Variants in PDGFRB observed in about 807,000 individuals in gnomAD.
The protein encoded by PDGFRB is platelet-derived growth factor receptor beta.
In PDGFRB, 42 loss-of-function variants were observed where a neutral mutation model predicts 120.2. The ratio of observed to expected loss-of-function variants is 0.35; its 90% CI spans 0.27 to 0.45. The LOEUF is 0.45. Ranked by LOEUF, PDGFRB falls within the 20% of genes least tolerant of loss-of-function variation. The probability of loss-of-function intolerance (pLI) is 1.00; values close to 1 mark genes in which losing one functional copy is unlikely to be tolerated. For synonymous variants in PDGFRB, 586 were observed against 606.8 expected, an observed-to-expected ratio of 0.97 and a Z score of 0.50; for missense variants, 1,149 against 1,476.3, an observed-to-expected ratio of 0.78 and a Z score of 3.63.
intron 1 of PDGFRB, among the ~76,000 whole-genome samples, chr5:150,143,777 G>A (rs1356655648): frequency 6.6e-6 from 1 of 151,998 alleles, no homozygotes; most frequent in Non-Finnish European, 1.5e-5. Context: ...GGAAGTGGCC[G>A]AGGCTCCCAC....
In PDGFRB at chr5:150,132,604, CTCTGGTCGCTGCAGCA is replaced by C. The variant is rs536620030; in HGVS notation, c.1127+130_1127+145del. On this transcript the variant is annotated intron_variant, in intron 7 of 22. Transcript: ENST00000261799. The surrounding 1 kb of genome is among the most constrained non-coding windows in gnomAD (Gnocchi z 5.0). Reference sequence around the variant, plus strand: ...AACTCTAGGAGGGATGAACTGTCAGCTCTGGTCGCTGCAGCATCCCCAGCACCTGGCACCTAATATG... The same window carrying C: ...AACTCTAGGAGGGATGAACTGTCAGCTCCCCAGCACCTGGCACCTAATATG... 3.7e-4 allele frequency: 261 copies of C among 700,254 alleles called. 1 individual carries two copies. The African/African-American group carries it at 4.2e-3, about 11-fold the overall frequency. 43.4% of individuals were successfully genotyped at this position (700,254 alleles called of 1,614,324 possible). A position where few individuals can be genotyped will look rare whatever the true frequency, so the allele number is the denominator to read the frequency against.
chr5:150,130,113 T>G (rs1019830106), intron 9 of PDGFRB, 145 bp from the exon 10 acceptor site: 3 of 677,518 alleles, frequency 4.4e-6, no homozygotes, highest in African/African-American at 3.5e-5. Flanking sequence ...CTGTGCTCCC[T>G]CTACTGGTCA....
intron 5 of PDGFRB, 44 bp downstream of exon 5, chr5:150,133,837 C>G (rs779180050): frequency 2.5e-6 from 4 of 1,612,638 alleles, no homozygotes. Flanking sequence ...AGATATCCAC[C>G]CGTTCCTGGC....
Position 150,121,400 on chromosome 5 carries a change from G to A in PDGFRB, c.2345-78C>T. 1.3e-6 allele frequency: 1 copy of A among 782,504 alleles called. No homozygotes were observed. The highest frequency in any genetic ancestry group is 2.4e-6 in the Non-Finnish European group (1 of 422,324). 48.5% of individuals were successfully genotyped at this position (782,504 alleles called of 1,614,324 possible). A position where few individuals can be genotyped will look rare whatever the true frequency, so the allele number is the denominator to read the frequency against. On this transcript the variant is annotated intron_variant, in intron 16 of 22. Coordinates refer to ENST00000261799, the MANE Select transcript of PDGFRB (RefSeq NM_002609.4). The surrounding 1 kb of genome is among the most constrained non-coding windows in gnomAD (Gnocchi z 4.1). Reference sequence around the variant, plus strand: ...AGGACCCCTGCCCTTTGGCTCCTGGGAGACTGAATGTCCAAGACAGGTGGC... The same window carrying A: ...AGGACCCCTGCCCTTTGGCTCCTGGAAGACTGAATGTCCAAGACAGGTGGC...
At chr5:150,140,103 G>A (rs1415730309) in intron 1 of PDGFRB, among the ~76,000 whole-genome samples, 2 of 152,200 alleles carry the variant, frequency 1.3e-5, no homozygotes, top group Admixed American at 1.3e-4. Flanking sequence ...GGAGGGCCAG[G>A]GAGGGCAGAG....
At chr5:150,144,410 C>A (rs1420721440) in intron 1 of PDGFRB, among the ~76,000 whole-genome samples, 1 of 152,182 alleles carries the variant, frequency 6.6e-6, no homozygotes, top group Non-Finnish European at 1.5e-5. Flanking sequence ...CCAAGCCAGG[C>A]CCTCACACTC....
chr5:150,153,549 A>G (rs2113936472), intron 1 of PDGFRB: 1 of 152,332 alleles, frequency 6.6e-6, no homozygotes, highest in Non-Finnish European at 1.5e-5. Flanking sequence ...CATCTACAAA[A>G]AGTAGGTAAT....
chr5:150,138,364 C>T (rs1156843394), intron 1 of PDGFRB, among the ~76,000 whole-genome samples: 2 of 152,212 alleles, frequency 1.3e-5, no homozygotes, highest in African/African-American at 4.8e-5. Context: ...CATGCCACCT[C>T]TTGTGCCATC....
chr5:150,118,639 C>G, intron 21 of PDGFRB, 108 bp downstream of exon 21: 1 of 758,718 alleles, frequency 1.3e-6, no homozygotes, highest in Non-Finnish European at 2.4e-6. Flanking sequence ...CCAGAGAGGA[C>G]AAAGGGTGGT....
intron 22 of PDGFRB, 70 bp downstream of exon 22, chr5:150,117,532 GCGCGCGCGCGCGCACA>G: frequency 4.8e-6 from 3 of 618,854 alleles, no homozygotes; most frequent in South Asian, 1.9e-5. Flanking sequence ...CTGGCAGCGC[GCGCGCGCGCGCGCACA>G]CACACACACA....
intron 8 of PDGFRB, among the ~76,000 whole-genome samples, chr5:150,131,232 T>G (rs1449943678): frequency 6.6e-6 from 1 of 152,150 alleles, no homozygotes; most frequent in East Asian, 1.9e-4. Flanking sequence ...CGATTTGCCC[T>G]TCTCCCAGCC....
chr5:150,123,344 C>T (rs1023052300), intron 14 of PDGFRB, 143 bp from the exon 15 acceptor site: 6 of 630,534 alleles, frequency 9.5e-6, no homozygotes, highest in Non-Finnish European at 5.6e-6. Flanking sequence ...AATCTGGATT[C>T]TTTTCCTGCC....
chr5:150,133,662 C>G lies in PDGFRB; in HGVS notation c.858G>C (p.Ser286=). The part of the protein sequence containing the change: ...LHIPSAELED[S]GTYTCNVTES... ...CCGTCACATTGCAGGTGTAGGTCCCCGAGTCTTCTAACTCGGCACTGGGGA... is the reference window on the plus strand; with the variant it reads ...CCGTCACATTGCAGGTGTAGGTCCCGGAGTCTTCTAACTCGGCACTGGGGA... The change falls in exon 6 of 23, where the codon TCG becomes TCC. Residue 286 remains serine (S), a synonymous_variant. Transcript: ENST00000261799. 6.2e-7 allele frequency: 1 copy of G among 1,613,826 alleles called. No homozygotes were observed. The highest frequency in any genetic ancestry group is 8.5e-7 in the Non-Finnish European group (1 of 1,179,862).
intron 15 of PDGFRB, 71 bp downstream of exon 15, chr5:150,122,971 A>C: frequency 3.6e-6 from 5 of 1,370,074 alleles, no homozygotes; most frequent in Non-Finnish European, 5.1e-6. Flanking sequence ...CCCCTCCTGG[A>C]CAAAAGGAGG....
At position 150,120,980 on chromosome 5, in the gene PDGFRB, C is replaced by T. The variant is rs753032652; in HGVS notation, c.2494G>A (p.Val832Met). 4 of 1,613,820 alleles carry T rather than the reference C, an allele frequency of 2.5e-6. No individual in the cohort carries two copies. Among genetic ancestry groups the T allele is most frequent in the South Asian group, 1.1e-5 (1 of 91,048 alleles). The change falls in exon 18 of 23, where the codon GTG (valine) becomes ATG (methionine). Residue 832 changes from valine to methionine, a missense_variant. Physicochemically the swap from Val to Met is conservative, Grantham distance 21. Coordinates refer to ENST00000261799, the MANE Select transcript of PDGFRB (RefSeq NM_002609.4). The surrounding 1 kb of genome is among the most constrained non-coding windows in gnomAD (Gnocchi z 4.3). ...CVHRDLAARN[V>M]LICEGKLVKI... ...ACCAGCTTGCCTTCACAGATGAGCA[C>T]GTTCCTAGCCGCCAGGTCTCTGTGG...
At chr5:150,128,264 G>C (rs1760354477) in intron 10 of PDGFRB, among the ~76,000 whole-genome samples, 1 of 152,238 alleles carries the variant, frequency 6.6e-6, no homozygotes, top group African/African-American at 2.4e-5. Flanking sequence ...TGTCCACACT[G>C]TCTGCCCAGA....
At chr5:150,118,269 G>T (rs1324845853) in intron 21 of PDGFRB, among the ~76,000 whole-genome samples, 1 of 152,174 alleles carries the variant, frequency 6.6e-6, no homozygotes, top group African/African-American at 2.4e-5. Flanking sequence ...AGAAGGAGCT[G>T]CCTCTGTGTC....
Position 150,132,020 on chromosome 5 carries a change from TCATGGAAGGCCCG to T in PDGFRB, c.1189_1201del (p.Ala398MetfsTer21), listed in dbSNP as rs1412446225. The T allele has an allele frequency of 6.2e-7, 1 of 1,611,008 alleles. No homozygotes were observed. On this transcript the variant is annotated frameshift_variant, in exon 8 of 23. Coordinates refer to ENST00000261799, the MANE Select transcript of PDGFRB (RefSeq NM_002609.4). LOFTEE classifies it high-confidence loss of function. The surrounding 1 kb of genome is among the most constrained non-coding windows in gnomAD (Gnocchi z 5.0). ...GAAGGAGAGCTGGACCTCAGCATCC[TCATGGAAGGCCCG>T]CATGGTGTAGTGGCCAGCCTCTGCC... is the stretch of plus-strand genomic sequence containing the variant.
At chr5:150,146,321 AG>A (rs1355606487) in intron 1 of PDGFRB, among the ~76,000 whole-genome samples, 1 of 152,180 alleles carries the variant, frequency 6.6e-6, no homozygotes, top group Non-Finnish European at 1.5e-5. Flanking sequence ...AACAAACAAA[AG>A]TCCCTACTAA....
Sources: gnomAD v4.1 joint callset for allele counts (sites outside exome capture counted in the v4.1 genomes callset) on GRCh38, gnomAD v4.1.1 for gene constraint, Gnocchi (gnomAD v3.1) non-coding constraint, MANE v1.5 for transcripts, NCBI Gene and HGNC (gene_info 2026-07-23, HGNC 2026-07-21) for gene names.